The following ASB11 variants were observed in gnomAD, a reference collection of about 807,000 sequenced individuals.
ASB11 encodes the protein ankyrin repeat and SOCS box protein 11.
A neutral mutation model predicts 20.1 loss-of-function variants in ASB11; 17 were observed. The observed-to-expected ratio is 0.85, with a 90% confidence interval of 0.58 to 1.27. ASB11 has a LOEUF of 1.27. Among genes scored for constraint, ASB11 ranks in the 50% most tolerant of loss-of-function variants. ASB11 has a pLI of 0.00. For synonymous variants in ASB11, 107 were observed against 105.6 expected (o/e 1.01, Z -0.08); for missense variants, 259 against 256.9 (o/e 1.01, Z -0.06).
chrX:15,293,425 A>T, intron 3 of ASB11, 105 bp from the exon 4 acceptor site: 2 of 929,968 alleles, frequency 2.2e-6, no homozygotes, highest in Non-Finnish European at 3.0e-6. Context: ...CACGCTGGTG[A>T]ATAAGTGAGG....
rs199598614 is a variant in ASB11 at position 15,283,528 on chromosome X, C to T, written c.949G>A (p.Glu317Lys). Residue 317 changes from glutamate (E) to lysine (K), a missense_variant, in exon 7 of 7, where the codon GAA (glutamate) becomes AAA (lysine). By Grantham distance (56) the Glu-to-Lys change is moderately conservative. Transcript: ENST00000480796. The stretch of plus-strand genomic sequence containing the variant: ...GACTATTGGTATAGGAGGAATCGTT[C>T]GAGTGGCTCTGGCAGATGTAGCTTG... Reference protein sequence around the residue: ...IHKLHLPEPLERFLLYQ With the variant: ...IHKLHLPEPLKRFLLYQ 2.6e-5 allele frequency: 32 copies of T among 1,208,977 alleles called. No homozygotes were observed. The highest frequency in any genetic ancestry group is 3.0e-5 in the East Asian group (1 of 33,744).
At chrX:15,314,317 T>C (rs1362050059) in intron 1 of ASB11, 114 of 1,095,382 alleles carry the variant, frequency 1.0e-4, no homozygotes, top group Non-Finnish European at 1.3e-4. Context: ...TTGAAACTTA[T>C]CAGAAGCATT....
intron 1 of ASB11, among the ~76,000 whole-genome samples, chrX:15,307,953 G>A (rs147823772): frequency 0.013 from 1,493 of 111,768 alleles, 28 homozygotes; most frequent in African/African-American, 0.042. Context: ...CACAGCTCCT[G>A]GCCTTTTCCC....
chrX:15,311,408 A>G (rs1236719036), intron 1 of ASB11, among the ~76,000 whole-genome samples: 1 of 112,696 alleles, frequency 8.9e-6, no homozygotes, highest in Non-Finnish European at 1.9e-5. Flanking sequence ...CTGATATGCA[A>G]CTTAGAGGAT....
chrX:15,303,047 G>A (rs761891594), intron 1 of ASB11, among the ~76,000 whole-genome samples: 108 of 111,708 alleles, frequency 9.7e-4, no homozygotes, highest in Non-Finnish European at 1.6e-3. Flanking sequence ...TCTGGCTTTT[G>A]GGAGGCAATT....
At chrX:15,314,396 C>A in intron 1 of ASB11, 3 of 1,186,437 alleles carry the variant, frequency 2.5e-6, no homozygotes, top group Non-Finnish European at 3.4e-6. Context: ...CAAATATAAT[C>A]CCCAAAAGAA....
At position 15,312,728 on chromosome X, in the gene ASB11, T is replaced by C. The variant is rs756420405; in HGVS notation, c.181+2697A>G. Among the ~76,000 whole-genome samples, 35 of 112,259 alleles carry C rather than the reference T, an allele frequency of 3.1e-4. No homozygotes were observed. In the South Asian group the frequency reaches 0.012, roughly 40 times the overall value. The stretch of plus-strand genomic sequence containing the variant: ...CATATATTTTCCCAACAAACATTTG[T>C]CTGACCAGTGCAAAAGTGACCAAAA... On this transcript the variant is annotated intron_variant, in intron 1 of 6. Transcript: ENST00000480796.
At chrX:15,309,976 A>AAAAAAAAAAAAAAAAG (rs1921376166) in intron 1 of ASB11, among the ~76,000 whole-genome samples, 1 of 102,864 alleles carries the variant, frequency 9.7e-6, no homozygotes, top group East Asian at 3.0e-4. Flanking sequence ...TCAAAAAAAA[A>AAAAAAAAAAAAAAAAG]AAAAAAAAAA....
intron 1 of ASB11, 41 bp downstream of exon 1, chrX:15,315,384 G>A: frequency 1.0e-6 from 1 of 987,203 alleles, no homozygotes; most frequent in South Asian, 3.6e-5. Flanking sequence ...ATCTAGGAGG[G>A]ATTTTCTTTA....
At chrX:15,302,563 G>A (rs1461197365) in intron 2 of ASB11, among the ~76,000 whole-genome samples, 165 bp downstream of exon 2, 1 of 111,321 alleles carries the variant, frequency 9.0e-6, no homozygotes, top group Non-Finnish European at 1.9e-5. Flanking sequence ...GGAAAGGAGA[G>A]GCAGGAGGAG....
rs762357821 is a variant in ASB11 at position 15,291,222 on chromosome X, GAC to G, written c.521-1586_521-1585del. On this transcript the variant is annotated intron_variant, in intron 4 of 6. Coordinates refer to ENST00000480796, the MANE Select transcript of ASB11 (RefSeq NM_080873.3). The stretch of plus-strand genomic sequence containing the variant: ...TTTACAGTACAGAAAAATATACAGA[GAC>G]ACACAAATTATGTGTTTATTATGAG... Among the ~76,000 whole-genome samples, 587 of 111,113 alleles carry G rather than the reference GAC, an allele frequency of 5.3e-3. 6 individuals are homozygous for G. Among genetic ancestry groups the G allele is most frequent in the African/African-American group, 0.018 (554 of 30,600 alleles).
chrX:15,315,581 C>A lies in ASB11; in HGVS notation c.25G>T (p.Gly9Cys). ...ATTGTAATAAAAATGTTTTTAAAGC[C>A]ATAGAAAACAGGACCATCTTCCATT... MEDGPVFY[G>C]FKNIFITMFA... The change falls in exon 1 of 7, where the codon GGC becomes TGC. Residue 9 changes from glycine (G) to cysteine (C), a missense_variant. Gly to Cys is a radical substitution (Grantham distance 159). Transcript: ENST00000480796. 2.5e-6 allele frequency: 3 copies of A among 1,177,571 alleles called. No homozygotes were observed. Among genetic ancestry groups the A allele is most frequent in the Admixed American group, 2.5e-5 (1 of 39,782 alleles).
intron 4 of ASB11, among the ~76,000 whole-genome samples, 160 bp downstream of exon 4, chrX:15,293,010 T>C (rs1158357991): frequency 8.9e-6 from 1 of 112,260 alleles, no homozygotes; most frequent in Non-Finnish European, 1.9e-5. Flanking sequence ...CCTGAAGATT[T>C]AGGCAAATTG....
At chrX:15,295,303 A>G (rs753272970) in intron 3 of ASB11, among the ~76,000 whole-genome samples, 3 of 111,895 alleles carry the variant, frequency 2.7e-5, no homozygotes, top group Non-Finnish European at 5.6e-5. Context: ...AGCCTCCCAA[A>G]GTGCTGGGAT....
At chrX:15,284,183 C>T (rs951746513) in intron 6 of ASB11, among the ~76,000 whole-genome samples, 3 of 99,503 alleles carry the variant, frequency 3.0e-5, no homozygotes, top group Non-Finnish European at 4.0e-5. Context: ...ACCCGGGAGG[C>T]GGAGCTTGCA....
chrX:15,290,692 A>G (rs942646165), intron 4 of ASB11, among the ~76,000 whole-genome samples: 2 of 112,204 alleles, frequency 1.8e-5, no homozygotes, highest in African/African-American at 6.5e-5. Context: ...CTAAAAAATC[A>G]TGTCATTACT....
In ASB11 at chrX:15,309,967, C is replaced by CAAAA. The variant is rs60765469; in HGVS notation, c.181+5454_181+5457dup. ...TGGGCGACAGAGCAAGACTCCGTCT[C>CAAAA]AAAAAAAAAAAAAAAAAAAAAAAAG... On this transcript the variant is annotated intron_variant, in intron 1 of 6. Transcript: ENST00000480796. 3.8e-3 allele frequency among the ~76,000 whole-genome samples: 59 copies of CAAAA among 15,522 alleles called. 6 individuals carry two copies. Among genetic ancestry groups the CAAAA allele is most frequent in the African/African-American group, 0.011 (53 of 4,748 alleles). The allele number at this position is 15,522 out of a possible 115,157, so 13.5% of individuals were successfully genotyped here. A position where few individuals can be genotyped will look rare whatever the true frequency, so the allele number is the denominator to read the frequency against.
intron 1 of ASB11, among the ~76,000 whole-genome samples, chrX:15,305,912 G>C (rs181003338): frequency 6.3e-5 from 7 of 110,484 alleles, no homozygotes; most frequent in African/African-American, 2.3e-4. Context: ...TTTCCTGATC[G>C]TCTCACTCCT....
intron 6 of ASB11, among the ~76,000 whole-genome samples, chrX:15,287,677 T>C (rs1373520862): frequency 8.8e-6 from 1 of 113,014 alleles, no homozygotes; most frequent in African/African-American, 3.2e-5. Flanking sequence ...ACTCTGGTTA[T>C]AGGTAAATGC....
Sources: gnomAD v4.1 joint callset for allele counts (sites outside exome capture counted in the v4.1 genomes callset) on GRCh38, gnomAD v4.1.1 for gene constraint, MANE v1.5 for transcripts, NCBI Gene and HGNC (gene_info 2026-07-23, HGNC 2026-07-21) for gene names.